Variants in SV2C observed in about 807,000 individuals in gnomAD.
SV2C encodes the protein solute carrier family 22 member B3.
In SV2C, 49 loss-of-function variants were observed where a neutral mutation model predicts 79.7. That is an observed-to-expected ratio of 0.61 (90% CI 0.49 to 0.78). The LOEUF is 0.78. SV2C is among the 30% of genes least tolerant of loss of function. The pLI is 0.00. For synonymous variants in SV2C, 334 were observed against 333.2 expected, an observed-to-expected ratio of 1.00 and a Z score of -0.03; for missense variants, 833 against 912.9, an observed-to-expected ratio of 0.91 and a Z score of 1.13.
chr5:76,020,351 G>A, the SV2C span, among the ~76,000 whole-genome samples: 1 of 152,132 alleles, frequency 6.6e-6, no homozygotes. Flanking sequence ...TGGACCAATG[G>A]CCATTGTATG....
At chr5:76,057,979 C>T in the SV2C span, among the ~76,000 whole-genome samples, 22 of 152,150 alleles carry the variant, frequency 1.4e-4, no homozygotes, top group East Asian at 3.9e-4. Flanking sequence ...GACTATGTAA[C>T]GTCCATTTCT....
the SV2C span, among the ~76,000 whole-genome samples, chr5:75,989,931 GTCT>G: frequency 1.3e-5 from 2 of 149,238 alleles, no homozygotes; most frequent in Non-Finnish European, 3.0e-5. Context: ...CCACATGTAT[GTCT>G]TCTTTTGGGA....
the SV2C span, among the ~76,000 whole-genome samples, chr5:75,950,268 C>T: frequency 1.6e-4 from 24 of 151,890 alleles, no homozygotes; most frequent in Non-Finnish European, 2.6e-4. Flanking sequence ...TTGAATGAAA[C>T]GAAACCAGAA....
chr5:76,252,132 GT>G (rs1554043116), intron 4 of SV2C, among the ~76,000 whole-genome samples: 1 of 152,004 alleles, frequency 6.6e-6, no homozygotes, highest in Non-Finnish European at 1.5e-5. Flanking sequence ...TTTTGTTGTT[GT>G]TTTTGAGACA....
intron 12 of SV2C, among the ~76,000 whole-genome samples, chr5:76,348,893 G>A (rs1429768536): frequency 6.6e-6 from 1 of 152,098 alleles, no homozygotes; most frequent in Non-Finnish European, 1.5e-5. Flanking sequence ...CCAGCTACTT[G>A]GGAGGCTGAG....
chr5:75,869,338 G>A, the SV2C span, among the ~76,000 whole-genome samples: 2 of 152,186 alleles, frequency 1.3e-5, no homozygotes, highest in African/African-American at 4.8e-5. Context: ...GAGCCCTTGG[G>A]CATTAAGGGA....
At chr5:75,920,705 G>T in the SV2C span, 2 of 751,262 alleles carry the variant, frequency 2.7e-6, no homozygotes, top group Non-Finnish European at 5.0e-6. Context: ...GGGCACTGCC[G>T]GTGTGGAACC....
intron 6 of SV2C, among the ~76,000 whole-genome samples, chr5:76,287,381 T>C (rs1207295161): frequency 1.3e-5 from 2 of 152,132 alleles, no homozygotes; most frequent in African/African-American, 2.4e-5. Flanking sequence ...GAATCATAGA[T>C]ATAGTTCCAA....
chr5:75,897,148 C>T, the SV2C span, among the ~76,000 whole-genome samples: 4 of 150,300 alleles, frequency 2.7e-5, no homozygotes, highest in African/African-American at 1.0e-4. Context: ...TTGCCCATGC[C>T]TATGTCCTGA....
At chr5:76,219,482 G>T (rs898288173) in intron 4 of SV2C, among the ~76,000 whole-genome samples, 1 of 152,164 alleles carries the variant, frequency 6.6e-6, no homozygotes, top group African/African-American at 2.4e-5. Context: ...GTGTTTAAGT[G>T]CATGGCCATT....
At chr5:75,948,324 C>G in the SV2C span, among the ~76,000 whole-genome samples, 1 of 152,022 alleles carries the variant, frequency 6.6e-6, no homozygotes, top group African/African-American at 2.4e-5. Flanking sequence ...TTCTTTACTG[C>G]ATGGTTTCTC....
At chr5:76,337,106 A>G (rs907821479), downstream of SV2C, among the ~76,000 whole-genome samples, 4 of 152,126 alleles carry the variant, frequency 2.6e-5, no homozygotes, top group Admixed American at 6.5e-5. Context: ...GGCTGCTGTA[A>G]CAAAATACCA....
intron 2 of SV2C, among the ~76,000 whole-genome samples, chr5:76,150,780 G>A (rs1241388962): frequency 6.6e-6 from 1 of 151,810 alleles, no homozygotes; most frequent in Non-Finnish European, 1.5e-5. Flanking sequence ...TGGGACCACA[G>A]ATGTGCACTA....
rs775620710 is a variant in SV2C, at chr5:76,301,464, T to C, written c.1919T>C (p.Leu640Pro). 1.7e-5 allele frequency: 27 copies of C among 1,613,990 alleles called. No homozygotes were observed. The highest frequency in any genetic ancestry group is 3.3e-5 in the Admixed American group (2 of 60,000). Residue 640 changes from leucine (L) to proline (P), a missense_variant, in exon 12 of 13, where the codon CTG (leucine) becomes CCG (proline). Leu to Pro is a moderately conservative substitution (Grantham distance 98). Coordinates refer to ENST00000502798, the MANE Select transcript of SV2C (RefSeq NM_014979.4). ...GTSESMMIGM[L>P]CLYNGLTISA... is the part of the protein sequence containing the mutation. ...AGTGAATCCATGATGATAGGCATGCTGTGTCTGTACAATGGATTGACCATC... is the reference window on the plus strand; with the variant it reads ...AGTGAATCCATGATGATAGGCATGCCGTGTCTGTACAATGGATTGACCATC...
the SV2C span, among the ~76,000 whole-genome samples, chr5:75,898,683 G>C: frequency 3.2e-3 from 489 of 152,268 alleles, no homozygotes; most frequent in Non-Finnish European, 5.5e-3. Context: ...ATTTGGCTGT[G>C]AATCCATCTG....
At chr5:76,072,693 A>G in the SV2C span, among the ~76,000 whole-genome samples, 1 of 152,196 alleles carries the variant, frequency 6.6e-6, no homozygotes, top group African/African-American at 2.4e-5. Flanking sequence ...CATTTTTTCC[A>G]TAGTGATTGT....
At chr5:75,892,142 C>A in the SV2C span, among the ~76,000 whole-genome samples, 2,466 of 152,160 alleles carry the variant, frequency 0.016, 34 homozygotes, top group African/African-American at 0.042. Context: ...CAGCTCTTAC[C>A]TCAGAGGCTA....
At chr5:76,321,270 C>T (rs1489015447) in intron 12 of SV2C, among the ~76,000 whole-genome samples, 6 of 150,618 alleles carry the variant, frequency 4.0e-5, no homozygotes, top group Non-Finnish European at 8.9e-5. Context: ...TGCATTTTGC[C>T]CCTTATAAGA....
the SV2C span, among the ~76,000 whole-genome samples, chr5:75,927,735 G>A: frequency 6.6e-6 from 1 of 152,218 alleles, no homozygotes; most frequent in Non-Finnish European, 1.5e-5. Context: ...TATGTTTAGT[G>A]CCTTGGTTGT....
Sources: gnomAD v4.1 joint callset for allele counts (sites outside exome capture counted in the v4.1 genomes callset) on GRCh38, gnomAD v4.1.1 for gene constraint, MANE v1.5 for transcripts, NCBI Gene and HGNC (gene_info 2026-07-23, HGNC 2026-07-21) for gene names.